Variants in TSEN54 observed in about 807,000 individuals in gnomAD.
TSEN54 encodes tRNA splicing endonuclease subunit 54.
A neutral mutation model predicts 61.9 loss-of-function variants in TSEN54; 55 were observed. That is an observed-to-expected ratio of 0.89 (90% CI 0.72 to 1.11). The LOEUF is 1.11. TSEN54 is among the 50% of genes most tolerant of loss of function. TSEN54 has a pLI of 0.00. For synonymous variants in TSEN54, 304 were observed against 288.7 expected, an observed-to-expected ratio of 1.05 and a Z score of -0.54; for missense variants, 760 against 687.7, an observed-to-expected ratio of 1.11 and a Z score of -1.18.
rs1251762288 is a variant in TSEN54 at position 75,521,688 on chromosome 17, T to C, written c.624-17T>C. ...CAACCAGGGGCAGATGTGCTGCTTT[T>C]CCCCCACGTCCCTCAGGTCCATTAA... On this transcript the variant is annotated splice_polypyrimidine_tract_variant and intron_variant, in intron 7 of 10. Coordinates refer to ENST00000333213, the MANE Select transcript of TSEN54 (RefSeq NM_207346.3). The C allele has an allele frequency of 3.1e-6, 5 of 1,612,362 alleles. No individual in the cohort carries two copies. Among genetic ancestry groups the C allele is most frequent in the East Asian group, 2.2e-5 (1 of 44,858 alleles).
chr17:75,517,164 A>C lies in TSEN54; in HGVS notation c.289A>C (p.Lys97Gln). ...ACTTGCTCTGGGCCCCACACAGGGC[A>C]AATTCTGGCAGACCATGGGCTTCTC... ...GFVELKSPAG[K>Q]FWQTMGFSEQ... Residue 97 changes from lysine (K) to glutamine (Q), a missense_variant, in exon 4 of 11, where the codon AAA becomes CAA. Lys to Gln is a moderately conservative substitution (Grantham distance 53, BLOSUM62 1). Coordinates refer to ENST00000333213, the MANE Select transcript of TSEN54 (RefSeq NM_207346.3). The C allele has an allele frequency of 6.7e-7, 1 of 1,494,982 alleles. No individual in the cohort carries two copies. The allele number at this position is 1,494,982 out of a possible 1,614,324, so 92.6% of individuals were successfully genotyped here. A position where few individuals can be genotyped will look rare whatever the true frequency, so the allele number is the denominator to read the frequency against.
At position 75,516,848 on chromosome 17, in the gene TSEN54, G is replaced by A. The variant is rs1443094124; in HGVS notation, c.159G>A (p.Glu53=). The A allele has an allele frequency of 1.3e-6, 2 of 1,580,672 alleles. No individual in the cohort carries two copies. The highest frequency in any genetic ancestry group is 3.4e-5 in the Admixed American group (2 of 58,212). ...FLPDGSAAQA[E]RLRRCREELW... ...CCGACGGCTCGGCAGCTCAGGCCGAGCGGCTGCGCCGGTGCCGGGAAGAGC... is the reference window on the plus strand; with the variant it reads ...CCGACGGCTCGGCAGCTCAGGCCGAACGGCTGCGCCGGTGCCGGGAAGAGC... Residue 53 remains glutamate (E), a synonymous_variant, in exon 2 of 11, where the codon GAG becomes GAA. Transcript: ENST00000333213.
chr17:75,522,844 T>G, intron 8 of TSEN54: 2 of 268,740 alleles, frequency 7.4e-6, no homozygotes, highest in South Asian at 4.3e-5. Context: ...TCAGTATATG[T>G]TCCAAAAATT....
intron 7 of TSEN54, 51 bp from the exon 8 acceptor site, chr17:75,521,654 G>A (rs767204702): frequency 3.7e-6 from 6 of 1,601,186 alleles, no homozygotes; most frequent in Non-Finnish European, 5.1e-6. Flanking sequence ...TGGGACGTGT[G>A]CACCTTAGCA....
At chr17:75,521,577 CT>C in intron 7 of TSEN54, 67 bp downstream of exon 7, 1 of 1,582,608 alleles carries the variant, frequency 6.3e-7, no homozygotes, top group Non-Finnish European at 8.7e-7. Context: ...AATGCACAGG[CT>C]TTCTAAGAAC....
At chr17:75,517,746 C>T (rs2053389387) in intron 5 of TSEN54, 91 bp downstream of exon 5, 1 of 1,134,432 alleles carries the variant, frequency 8.8e-7, no homozygotes, top group Admixed American at 1.7e-5. Context: ...CACAGTGTCA[C>T]ATGCTGGGGC....
chr17:75,520,208 C>G (rs1211355329), intron 6 of TSEN54, among the ~76,000 whole-genome samples: 2 of 152,286 alleles, frequency 1.3e-5, no homozygotes, highest in Non-Finnish European at 2.9e-5. Flanking sequence ...TCTGTGATGT[C>G]TAATACATGG....
rs1355523071 is a variant in TSEN54 at position 75,521,703 on chromosome 17, A to G, written c.624-2A>G. On this transcript the variant is annotated splice_acceptor_variant, in intron 7 of 10. Transcript: ENST00000333213. LOFTEE classifies it high-confidence loss of function. Reference sequence around the variant, plus strand: ...GTGCTGCTTTTCCCCCACGTCCCTCAGGTCCATTAATAAGAAGGCCAAGGC... The same window carrying G: ...GTGCTGCTTTTCCCCCACGTCCCTCGGGTCCATTAATAAGAAGGCCAAGGC... 1 of 1,612,984 alleles carries G rather than the reference A, an allele frequency of 6.2e-7. No homozygotes were observed. The highest frequency in any genetic ancestry group is 1.3e-5 in the African/African-American group (1 of 74,892).
chr17:75,519,081 C>G (rs781178873), intron 6 of TSEN54, 34 bp downstream of exon 6: 6 of 1,612,412 alleles, frequency 3.7e-6, no homozygotes, highest in Non-Finnish European at 3.4e-6. Flanking sequence ...TCCATATATT[C>G]TAGTCCTGGG....
In TSEN54 at chr17:75,521,807, G is replaced by A. The variant is rs951244548; in HGVS notation, c.726G>A (p.Glu242=). Residue 242 remains glutamate, a synonymous_variant, in exon 8 of 11, where the codon GAG becomes GAA. Coordinates refer to ENST00000333213, the MANE Select transcript of TSEN54 (RefSeq NM_207346.3). ...PPCSQPSQCP[E]EKPQESSPMK... is the part of the protein sequence containing the mutation. ...GCAGCCAGCCCAGCCAATGCCCAGA[G>A]GAGAAACCCCAGGAGTCAAGCCCCA... 1 of 1,613,090 alleles carries A rather than the reference G, an allele frequency of 6.2e-7. No individual in the cohort carries two copies.
At chr17:75,522,501 G>A in intron 8 of TSEN54, 168 bp downstream of exon 8, 2 of 1,485,776 alleles carry the variant, frequency 1.3e-6, no homozygotes, top group Non-Finnish European at 1.8e-6. Flanking sequence ...AGCAGGGCCT[G>A]TGTGGGAAGG....
In TSEN54 at chr17:75,518,969, CTTTCA is replaced by C. The variant is rs754912936; in HGVS notation, c.469-22_469-18del. The C allele has an allele frequency of 6.8e-6, 11 of 1,612,210 alleles. No homozygotes were observed. In the East Asian group the frequency reaches 2.5e-4, roughly 36 times the overall value. ...GTGTTTTCCAGAGTGGCCATCTGAG[CTTTCA>C]TTTTTTTTTTTTCTTTTGAGGTCTT... On this transcript the variant is annotated intron_variant, in intron 5 of 10. Transcript: ENST00000333213.
At position 75,522,127 on chromosome 17, in the gene TSEN54, C is replaced by T. The variant is rs757086897; in HGVS notation, c.1046C>T (p.Ser349Phe). ...QKLNQRKEKL[S>F]RREREHHAEA... Reference sequence around the variant, plus strand: ...CTGAACCAGCGCAAGGAGAAGCTCTCCAGGCGGGAACGGGAGCACCACGCG... The same window carrying T: ...CTGAACCAGCGCAAGGAGAAGCTCTTCAGGCGGGAACGGGAGCACCACGCG... The change falls in exon 8 of 11, where the codon TCC becomes TTC. Residue 349 changes from serine to phenylalanine, a missense_variant. Coordinates refer to ENST00000333213, the MANE Select transcript of TSEN54 (RefSeq NM_207346.3). 12 of 1,569,334 alleles carry T rather than the reference C, an allele frequency of 7.6e-6. No homozygotes were observed. The highest frequency in any genetic ancestry group is 1.8e-5 in the Admixed American group (1 of 54,766).
At chr17:75,523,033 G>C in intron 8 of TSEN54, 1 of 498,054 alleles carries the variant, frequency 2.0e-6, no homozygotes, top group South Asian at 2.0e-5. Flanking sequence ...ACAAAAATTA[G>C]CCGGGTGTGG....
At chr17:75,517,412 G>T in intron 4 of TSEN54, 145 bp from the exon 5 acceptor site, 1 of 1,133,296 alleles carries the variant, frequency 8.8e-7, no homozygotes, top group Non-Finnish European at 1.3e-6. Flanking sequence ...CCACATTAGT[G>T]ATGCTGCCCC....
chr17:75,518,726 T>C (rs1452873699), intron 5 of TSEN54: 1 of 985,248 alleles, frequency 1.0e-6, no homozygotes, highest in East Asian at 1.1e-4. Context: ...GCGTGGTGGT[T>C]TTCTGGTTTC....
At chr17:75,518,544 T>G (rs1352149884) in intron 5 of TSEN54, 2 of 985,318 alleles carry the variant, frequency 2.0e-6, no homozygotes, top group Non-Finnish European at 2.4e-6. Context: ...TCCTCTGATA[T>G]GAATGCAGGG....
Position 75,524,592 on chromosome 17 carries a change from C to T in TSEN54, c.*180C>T, listed in dbSNP as rs897650457. On this transcript the variant is annotated 3_prime_UTR_variant, in exon 11 of 11. Transcript: ENST00000333213. ...AAACTGTGACCCTCTCCCTTCCCTG[C>T]TGCCTTGCAGTGACCCCTCTGGAAC... The T allele has an allele frequency of 3.7e-6, 3 of 813,180 alleles. No homozygotes were observed. Among genetic ancestry groups the T allele is most frequent in the Middle Eastern group, 4.3e-4 (2 of 4,598 alleles). The allele number at this position is 813,180 out of a possible 1,614,324, so 50.4% of individuals were successfully genotyped here.
At chr17:75,523,930 C>T (rs1598479679) in intron 10 of TSEN54, 151 bp downstream of exon 10, 3 of 925,612 alleles carry the variant, frequency 3.2e-6, no homozygotes, top group East Asian at 2.6e-5. Flanking sequence ...CAAGGCCACA[C>T]AGCCAGTTTG....
Sources: gnomAD v4.1 joint callset for allele counts (sites outside exome capture counted in the v4.1 genomes callset) on GRCh38, gnomAD v4.1.1 for gene constraint, MANE v1.5 for transcripts, NCBI Gene and HGNC (gene_info 2026-07-23, HGNC 2026-07-21) for gene names.